The following FUBP3 variants were observed in gnomAD, a reference collection of about 807,000 sequenced individuals.
FUBP3 encodes the protein far upstream element-binding protein 3.
In FUBP3, 28 loss-of-function variants were observed where a neutral mutation model predicts 85.6. That is an observed-to-expected ratio of 0.33 (90% CI 0.24 to 0.45). The LOEUF (loss-of-function observed/expected upper bound fraction) is 0.45. Ranked by LOEUF, FUBP3 falls within the 20% of genes least tolerant of loss-of-function variation. FUBP3 has a pLI of 1.00. For missense variants in FUBP3, 583 were observed against 755.1 expected (o/e 0.77, Z 2.67); for synonymous variants, 271 against 271.4 (o/e 1.00, Z 0.01).
intron 2 of FUBP3, among the ~76,000 whole-genome samples, chr9:130,600,365 A>C (rs943966553): frequency 6.6e-6 from 1 of 152,130 alleles, no homozygotes; most frequent in South Asian, 2.1e-4. Flanking sequence ...TTCATGCTCA[A>C]GTTCTCCCGT....
In FUBP3 at chr9:130,622,697, T is replaced by G; in HGVS notation, c.772-11T>G. The G allele has an allele frequency of 1.4e-6, 2 of 1,419,800 alleles. No homozygotes were observed. Among genetic ancestry groups the G allele is most frequent in the Non-Finnish European group, 2.0e-6 (2 of 1,023,950 alleles). The allele number at this position is 1,419,800 out of a possible 1,614,324, so 88.0% of individuals were successfully genotyped here. ...AAAAGTTCTGATGTGGTTTGGTTTC[T>G]CTGTGCCTAGGTATCTGTGCCTAGG... On this transcript the variant is annotated splice_polypyrimidine_tract_variant and intron_variant, in intron 9 of 18. Transcript: ENST00000319725.
At chr9:130,627,012 C>A (rs753596670) in intron 12 of FUBP3, among the ~76,000 whole-genome samples, 3 of 152,236 alleles carry the variant, frequency 2.0e-5, no homozygotes, top group Non-Finnish European at 4.4e-5. Context: ...CACGGACTCT[C>A]TGTGGAGGGA....
intron 2 of FUBP3, among the ~76,000 whole-genome samples, chr9:130,605,193 T>G (rs1019088917): frequency 1.3e-5 from 2 of 152,120 alleles, no homozygotes; most frequent in African/African-American, 4.8e-5. Context: ...GAGGAGAAGG[T>G]GCAGGGCCCA....
intron 2 of FUBP3, among the ~76,000 whole-genome samples, chr9:130,602,246 G>A (rs12552406): frequency 0.15 from 23,041 of 152,140 alleles, 1,921 homozygotes; most frequent in Admixed American, 0.21. Context: ...CAGGGGTCTT[G>A]GAACATATCC....
rs1203951364 is a variant in FUBP3, at chr9:130,634,730, A to G, written c.1574A>G (p.Lys525Arg). The change falls in exon 17 of 19, where the codon AAA becomes AGA. Residue 525 changes from lysine (K) to arginine (R), a missense_variant. This residue lies in a region of FUBP3 where 404 missense variants were observed against 516.8 expected (regional missense o/e 0.78). Coordinates refer to ENST00000319725, the MANE Select transcript of FUBP3 (RefSeq NM_003934.2). ...AGCAAGGCCTGGGAAGACTATTACA[A>G]AAAACAGAGTGAGTGCCCGGCCCTC... ...NYSKAWEDYY[K>R]KQSHAASAAP... 1.2e-6 allele frequency: 2 copies of G among 1,613,350 alleles called. No individual in the cohort carries two copies. The highest frequency in any genetic ancestry group is 2.7e-5 in the African/African-American group (2 of 74,926).
intron 12 of FUBP3, among the ~76,000 whole-genome samples, chr9:130,629,800 C>T (rs1288523623): frequency 1.3e-5 from 2 of 152,312 alleles, no homozygotes; most frequent in African/African-American, 4.8e-5. Flanking sequence ...AACTGTGCTC[C>T]AAGTTATCCT....
intron 1 of FUBP3, among the ~76,000 whole-genome samples, 197 bp downstream of exon 1, chr9:130,579,961 C>T (rs771806143): frequency 1.3e-5 from 2 of 152,196 alleles, no homozygotes; most frequent in African/African-American, 2.4e-5. Flanking sequence ...CCCGGCCTGT[C>T]GGGCGGGTCT....
At chr9:130,621,183 C>A (rs1829731282) in intron 9 of FUBP3, among the ~76,000 whole-genome samples, 1 of 152,074 alleles carries the variant, frequency 6.6e-6, no homozygotes, top group South Asian at 2.1e-4. Flanking sequence ...GAAAAAAATG[C>A]ATTTTAAAGA....
intron 1 of FUBP3, among the ~76,000 whole-genome samples, chr9:130,584,004 TG>T (rs907666613): frequency 2.0e-5 from 3 of 152,108 alleles, no homozygotes; most frequent in African/African-American, 7.2e-5. Context: ...TTCAAAGTGC[TG>T]GGATGGGTGT....
intron 1 of FUBP3, among the ~76,000 whole-genome samples, chr9:130,591,830 C>A (rs993135982): frequency 6.6e-6 from 1 of 152,114 alleles, no homozygotes; most frequent in Admixed American, 6.6e-5. Context: ...AGGAAGCTGT[C>A]GAAACAACTT....
At chr9:130,587,698 G>A (rs572902752) in intron 1 of FUBP3, among the ~76,000 whole-genome samples, 2 of 152,240 alleles carry the variant, frequency 1.3e-5, no homozygotes, top group South Asian at 4.1e-4. Flanking sequence ...AATAGTTTGG[G>A]ATGTAATTTT....
intron 12 of FUBP3, among the ~76,000 whole-genome samples, chr9:130,627,891 C>T (rs1256615247): frequency 6.6e-6 from 1 of 152,176 alleles, no homozygotes; most frequent in African/African-American, 2.4e-5. Context: ...ATAGTGAGCC[C>T]TTGGTGCTCA....
At chr9:130,615,712 C>G (rs1210619267) in intron 6 of FUBP3, among the ~76,000 whole-genome samples, 18 of 152,188 alleles carry the variant, frequency 1.2e-4, no homozygotes, top group Admixed American at 1.2e-3. Context: ...ACTTGGCTGC[C>G]ATGGAAAGCC....
chr9:130,621,790 A>G (rs1177660656), intron 9 of FUBP3, among the ~76,000 whole-genome samples: 1 of 151,928 alleles, frequency 6.6e-6, no homozygotes, highest in African/African-American at 2.4e-5. Context: ...CTGTAGTCCC[A>G]GCTACTCGGG....
chr9:130,620,253 T>C, intron 8 of FUBP3, 101 bp from the exon 9 acceptor site: 2 of 680,536 alleles, frequency 2.9e-6, no homozygotes, highest in South Asian at 1.9e-5. Context: ...CTGAGCGCCT[T>C]TAAACCCAAG....
intron 2 of FUBP3, 41 bp from the exon 3 acceptor site, chr9:130,609,913 C>T (rs1425471873): frequency 6.6e-7 from 1 of 1,522,696 alleles, no homozygotes; most frequent in Non-Finnish European, 9.1e-7. Flanking sequence ...TTTATCCGTG[C>T]TAATGCTTTG....
chr9:130,602,485 A>G (rs1831204671), intron 2 of FUBP3, among the ~76,000 whole-genome samples: 1 of 152,230 alleles, frequency 6.6e-6, no homozygotes, highest in South Asian at 2.1e-4. Flanking sequence ...GATAGGAGGT[A>G]CAAGTGCTAG....
chr9:130,614,210 C>CT (rs1182008569), intron 5 of FUBP3, 78 bp from the exon 6 acceptor site: 6 of 885,216 alleles, frequency 6.8e-6, no homozygotes, highest in African/African-American at 3.3e-5. Context: ...GGAAGCAGCC[C>CT]TAGAGAGCCT....
chr9:130,590,983 G>T (rs1830597477), intron 1 of FUBP3, among the ~76,000 whole-genome samples: 1 of 149,128 alleles, frequency 6.7e-6, no homozygotes, highest in East Asian at 2.0e-4. Flanking sequence ...TACTGTTTCT[G>T]CCACTTTTTA....
Sources: gnomAD v4.1 joint callset for allele counts (sites outside exome capture counted in the v4.1 genomes callset) on GRCh38, gnomAD v4.1.1 for gene constraint, gnomAD v4.1.1 regional missense constraint, MANE v1.5 for transcripts, NCBI Gene and HGNC (gene_info 2026-07-23, HGNC 2026-07-21) for gene names.